ASB5: variants seen among roughly 807,000 people sequenced by gnomAD.
ASB5 encodes the protein ankyrin repeat and SOCS box protein 5.
Under a neutral mutation model 42.1 loss-of-function variants are expected in ASB5, and 45 were observed. That is an observed-to-expected ratio of 1.07 (90% CI 0.84 to 1.37). The LOEUF (loss-of-function observed/expected upper bound fraction) is 1.37. Among genes scored for constraint, ASB5 ranks in the 40% most tolerant of loss-of-function variants. ASB5 has a pLI of 0.00. For synonymous variants in ASB5, 147 were observed against 150.6 expected, an observed-to-expected ratio of 0.98 and a Z score of 0.18; for missense variants, 402 against 399.8, an observed-to-expected ratio of 1.01 and a Z score of -0.05.
At chr4:176,219,575 GATATATATATATATATAT>G (rs71597433) in intron 5 of ASB5, among the ~76,000 whole-genome samples, 67 of 6,006 alleles carry the variant, frequency 0.011, 6 homozygotes, top group Middle Eastern at 0.25. Flanking sequence ...ATATTTGTAT[GATATATATATATATATAT>G]ATATATATAT....
chr4:176,273,950 A>G (rs936369350), upstream of ASB5, among the ~76,000 whole-genome samples: 2 of 152,194 alleles, frequency 1.3e-5, no homozygotes, highest in Non-Finnish European at 2.9e-5. Context: ...AATGGATCGT[A>G]TCTTGCCCAA....
At chr4:176,227,838 G>A (rs960603835) in intron 1 of ASB5, among the ~76,000 whole-genome samples, 3 of 152,136 alleles carry the variant, frequency 2.0e-5, no homozygotes, top group Admixed American at 2.0e-4. Flanking sequence ...ATTTTAGCCA[G>A]TGGTAACAGC....
In ASB5 at chr4:176,227,805, C is replaced by T. The variant is rs540133174; in HGVS notation, c.197-2464G>A. On this transcript the variant is annotated intron_variant, in intron 1 of 6. Transcript: ENST00000296525. ...ATCTCTCAATACACACACACTCTCT[C>T]TCATGCACAGAGTCTGTGAAACATT... is the stretch of plus-strand genomic sequence containing the variant. Among the ~76,000 whole-genome samples the T allele has an allele frequency of 5.3e-5, 8 of 152,304 alleles. No individual in the cohort carries two copies. In the East Asian group the frequency reaches 1.5e-3, roughly 29 times the overall value.
chr4:176,226,404 T>C (rs1753380053), intron 1 of ASB5, among the ~76,000 whole-genome samples: 1 of 152,166 alleles, frequency 6.6e-6, no homozygotes, highest in African/African-American at 2.4e-5. Context: ...ATATTGGCTT[T>C]CCTGGTTCTG....
intron 1 of ASB5, among the ~76,000 whole-genome samples, chr4:176,249,783 T>G (rs1264371526): frequency 1.3e-5 from 2 of 152,000 alleles, no homozygotes; most frequent in African/African-American, 4.8e-5. Flanking sequence ...GAAAGTGAGT[T>G]GGCCGGGCGC....
chr4:176,264,910 T>C (rs1048351823), intron 1 of ASB5, among the ~76,000 whole-genome samples: 2 of 152,142 alleles, frequency 1.3e-5, no homozygotes, highest in Admixed American at 6.6e-5. Context: ...TATTTTTTGT[T>C]GTCATTCTAT....
At chr4:176,256,078 C>T (rs186791293) in intron 1 of ASB5, among the ~76,000 whole-genome samples, 44 of 152,230 alleles carry the variant, frequency 2.9e-4, no homozygotes, top group Middle Eastern at 3.4e-3. Context: ...TATTCAAAAA[C>T]GTTACTCTCA....
chr4:176,239,469 A>G (rs1188144102), intron 1 of ASB5, among the ~76,000 whole-genome samples: 2 of 152,282 alleles, frequency 1.3e-5, no homozygotes, highest in South Asian at 2.1e-4. Context: ...TTTTTGTTTT[A>G]TCATAAGTAC....
chr4:176,236,827 C>A (rs1429768531), intron 1 of ASB5, among the ~76,000 whole-genome samples: 1 of 152,080 alleles, frequency 6.6e-6, no homozygotes, highest in East Asian at 1.9e-4. Context: ...TGCTCATTCT[C>A]CTTTCTATCT....
intron 5 of ASB5, among the ~76,000 whole-genome samples, chr4:176,220,018 C>T (rs1000062312): frequency 2.6e-5 from 4 of 152,108 alleles, no homozygotes; most frequent in Non-Finnish European, 5.9e-5. Context: ...CTAATGATAG[C>T]TGATGAGCTA....
chr4:176,253,480 G>A (rs1373151833), intron 1 of ASB5, among the ~76,000 whole-genome samples: 1 of 152,110 alleles, frequency 6.6e-6, no homozygotes, highest in African/African-American at 2.4e-5. Context: ...CTGAGAACTG[G>A]AACAAGACAA....
At chr4:176,233,283 C>A (rs146739102) in intron 1 of ASB5, among the ~76,000 whole-genome samples, 1 of 152,118 alleles carries the variant, frequency 6.6e-6, no homozygotes, top group East Asian at 1.9e-4. Flanking sequence ...CTGTAGGAGA[C>A]AAAAATAGAT....
In ASB5 at chr4:176,226,747, G is replaced by C. The variant is rs76011511; in HGVS notation, c.197-1406C>G. Among the ~76,000 whole-genome samples, 147 of 152,290 alleles carry C rather than the reference G, an allele frequency of 9.7e-4. 2 individuals carry two copies. The East Asian group carries it at 0.022, about 23-fold the overall frequency. On this transcript the variant is annotated intron_variant, in intron 1 of 6. Transcript: ENST00000296525. ...TTTTGTCCCTTTAGCAGGAATAGCAGCTTGAATGCCCACCTCGCCACACTC... is the reference window on the plus strand; with the variant it reads ...TTTTGTCCCTTTAGCAGGAATAGCACCTTGAATGCCCACCTCGCCACACTC...
chr4:176,224,533 CT>C (rs1185005264), intron 2 of ASB5, among the ~76,000 whole-genome samples: 2 of 66,598 alleles, frequency 3.0e-5, no homozygotes, highest in East Asian at 1.2e-3. Context: ...CTGTGCCCAG[CT>C]ATTTTTTTTT....
intron 1 of ASB5, among the ~76,000 whole-genome samples, chr4:176,225,669 C>A (rs998570784): frequency 1.3e-4 from 20 of 152,168 alleles, no homozygotes; most frequent in African/African-American, 4.6e-4. Flanking sequence ...CAGCTCAGTA[C>A]AACCTCTGTC....
intron 1 of ASB5, among the ~76,000 whole-genome samples, chr4:176,239,744 G>T (rs1753771877): frequency 6.6e-6 from 1 of 152,054 alleles, no homozygotes; most frequent in East Asian, 1.9e-4. Context: ...CCAGGGCAGT[G>T]GGGAAAAAAG....
At chr4:176,239,974 G>A (rs765729848) in intron 1 of ASB5, among the ~76,000 whole-genome samples, 2 of 152,206 alleles carry the variant, frequency 1.3e-5, no homozygotes, top group African/African-American at 2.4e-5. Context: ...TAGATTGAGT[G>A]TGCTCAGTGT....
At chr4:176,220,830 A>G (rs1239889583) in intron 5 of ASB5, among the ~76,000 whole-genome samples, 1 of 152,206 alleles carries the variant, frequency 6.6e-6, no homozygotes, top group African/African-American at 2.4e-5. Context: ...CATCATATTC[A>G]ATCTTGAGGA....
At chr4:176,216,411 C>T (rs865934199) in intron 6 of ASB5, among the ~76,000 whole-genome samples, 3 of 151,968 alleles carry the variant, frequency 2.0e-5, no homozygotes, top group East Asian at 1.9e-4. Context: ...AGTGCAGTGG[C>T]GTAATCCTGG....
Sources: allele counts gnomAD v4.1 joint callset (sites outside exome capture counted in the v4.1 genomes callset), GRCh38; gene constraint gnomAD v4.1.1; transcripts MANE v1.5; gene names NCBI Gene and HGNC (gene_info 2026-07-23, HGNC 2026-07-21).